Variants in NLGN1 observed in about 807,000 individuals in gnomAD.
NLGN1 encodes neuroligin-1.
Under a neutral mutation model 65.5 loss-of-function variants are expected in NLGN1, and 12 were observed. That is an observed-to-expected ratio of 0.18 (90% CI 0.12 to 0.30). The LOEUF is 0.30. Among genes scored for constraint, NLGN1 ranks in the 10% least tolerant of loss-of-function variants. The pLI is 1.00. For synonymous variants in NLGN1, 350 were observed against 359.5 expected (o/e 0.97, Z 0.30); for missense variants, 750 against 1,007.1 (o/e 0.74, Z 3.46).
intron 3 of NLGN1, among the ~76,000 whole-genome samples, chr3:173,774,055 G>A (rs1373141098): frequency 1.3e-5 from 2 of 152,186 alleles, no homozygotes; most frequent in South Asian, 2.1e-4. Flanking sequence ...CAGGAAGGCC[G>A]ATGCATTCAA....
chr3:173,810,405 TAAGATATGA>T (rs2150467457), intron 4 of NLGN1, among the ~76,000 whole-genome samples: 1 of 152,276 alleles, frequency 6.6e-6, no homozygotes, highest in Admixed American at 6.5e-5. Context: ...AAGTAGGAAA[TAAGATATGA>T]TCCCACATCC....
At chr3:174,088,861 A>G (rs1019184906) in intron 4 of NLGN1, among the ~76,000 whole-genome samples, 5 of 152,150 alleles carry the variant, frequency 3.3e-5, no homozygotes, top group African/African-American at 1.2e-4. Context: ...ATATTTCAAG[A>G]CACAGTAAAG....
chr3:174,294,119 C>G, the NLGN1 span, among the ~76,000 whole-genome samples: 3 of 151,588 alleles, frequency 2.0e-5, no homozygotes, highest in Non-Finnish European at 4.4e-5. Context: ...ATCTATTTCC[C>G]TACCCTCTAA....
intron 4 of NLGN1, among the ~76,000 whole-genome samples, chr3:174,264,972 G>A (rs691592): frequency 0.11 from 16,568 of 152,122 alleles, 1,021 homozygotes; most frequent in Non-Finnish European, 0.14. Flanking sequence ...CCTGCTGGGG[G>A]GTGCCTCCCA....
intron 3 of NLGN1, among the ~76,000 whole-genome samples, chr3:173,797,408 G>GA (rs1714341370): frequency 1.3e-5 from 2 of 151,906 alleles, no homozygotes; most frequent in Admixed American, 1.3e-4. Context: ...CGTACTATGG[G>GA]AAAAAACTTA....
chr3:173,719,482 C>T (rs1426254760), intron 3 of NLGN1, among the ~76,000 whole-genome samples: 1 of 152,086 alleles, frequency 6.6e-6, no homozygotes, highest in Admixed American at 6.6e-5. Flanking sequence ...ATGAAGAAAT[C>T]TCTTTAATGG....
At chr3:173,499,677 C>T (rs1730681337) in intron 2 of NLGN1, among the ~76,000 whole-genome samples, 1 of 151,812 alleles carries the variant, frequency 6.6e-6, no homozygotes, top group Admixed American at 6.6e-5. Flanking sequence ...TTGTTTCTTC[C>T]TACCCATGAG....
intron 2 of NLGN1, among the ~76,000 whole-genome samples, chr3:173,561,257 T>C (rs1742683116): frequency 6.6e-6 from 1 of 152,222 alleles, no homozygotes; most frequent in African/African-American, 2.4e-5. Context: ...AACTATCAGA[T>C]AACTTGTGTC....
At chr3:174,154,396 C>T (rs1478269476) in intron 4 of NLGN1, among the ~76,000 whole-genome samples, 1 of 151,960 alleles carries the variant, frequency 6.6e-6, no homozygotes, top group African/African-American at 2.4e-5. Context: ...GCTCCCTGTT[C>T]TCAAATAAAT....
intron 2 of NLGN1, among the ~76,000 whole-genome samples, chr3:173,435,885 T>C (rs919484600): frequency 2.0e-5 from 3 of 152,092 alleles, no homozygotes; most frequent in South Asian, 2.1e-4. Flanking sequence ...ACGATGCATT[T>C]AGTCAACAAG....
chr3:173,586,861 A>C (rs1747541392), intron 2 of NLGN1, among the ~76,000 whole-genome samples: 1 of 152,236 alleles, frequency 6.6e-6, no homozygotes, highest in Non-Finnish European at 1.5e-5. Context: ...GTATTGGCAC[A>C]GTCTAGCCAC....
At chr3:173,563,755 T>C (rs186721449) in intron 2 of NLGN1, among the ~76,000 whole-genome samples, 168 of 152,266 alleles carry the variant, frequency 1.1e-3, no homozygotes, top group African/African-American at 3.9e-3. Context: ...ATTCCATCCT[T>C]TCCTCACCGC....
intron 1 of NLGN1, among the ~76,000 whole-genome samples, chr3:173,431,185 A>G (rs1041020076): frequency 2.0e-5 from 3 of 152,144 alleles, no homozygotes; most frequent in Non-Finnish European, 2.9e-5. Context: ...GCATAACCCT[A>G]TCATACTGAA....
At chr3:173,751,932 G>A (rs1442053334) in intron 3 of NLGN1, among the ~76,000 whole-genome samples, 1 of 152,032 alleles carries the variant, frequency 6.6e-6, no homozygotes, top group African/African-American at 2.4e-5. Flanking sequence ...GAAAATCACA[G>A]AGCTGTGATT....
chr3:173,957,824 C>T (rs1712479244), intron 4 of NLGN1, among the ~76,000 whole-genome samples: 1 of 152,222 alleles, frequency 6.6e-6, no homozygotes, highest in Admixed American at 6.5e-5. Flanking sequence ...CTTGGGCCTG[C>T]TGGGCTCCTT....
intron 2 of NLGN1, among the ~76,000 whole-genome samples, chr3:173,472,038 T>A (rs1273471168): frequency 1.3e-5 from 2 of 152,108 alleles, no homozygotes; most frequent in East Asian, 3.9e-4. Flanking sequence ...AAGTAAAATA[T>A]TTAGACAAAC....
At chr3:173,499,631 T>C (rs1231238968) in intron 2 of NLGN1, among the ~76,000 whole-genome samples, 6 of 151,890 alleles carry the variant, frequency 4.0e-5, no homozygotes, top group Non-Finnish European at 8.8e-5. Context: ...ATTGAATCTA[T>C]AAATTACCTC....
At chr3:173,457,370 GTGATA>G (rs1287633413) in intron 2 of NLGN1, among the ~76,000 whole-genome samples, 6 of 152,022 alleles carry the variant, frequency 3.9e-5, no homozygotes, top group African/African-American at 1.4e-4. Context: ...AGTGTAGGGG[GTGATA>G]TTCAAAGAGG....
chr3:173,756,735 CAAA>C (rs1286442110), intron 3 of NLGN1, among the ~76,000 whole-genome samples: 1 of 137,828 alleles, frequency 7.3e-6, no homozygotes, highest in Admixed American at 7.3e-5. Context: ...GTTCAGAAAA[CAAA>C]GAAGATACAA....
Sources: allele counts gnomAD v4.1 joint callset (sites outside exome capture counted in the v4.1 genomes callset), GRCh38; gene constraint gnomAD v4.1.1; transcripts MANE v1.5; gene names NCBI Gene and HGNC (gene_info 2026-07-23, HGNC 2026-07-21).